The following EBF1 variants were observed in gnomAD, a reference collection of about 807,000 sequenced individuals.
EBF1 encodes transcription factor COE1.
EBF1 carries 10 observed loss-of-function variants against 68.4 expected under a neutral mutation model. The ratio of observed to expected loss-of-function variants is 0.15; its 90% CI spans 0.09 to 0.25. The LOEUF (loss-of-function observed/expected upper bound fraction) is 0.25. EBF1 is among the 10% of genes least tolerant of loss of function. The probability of loss-of-function intolerance (pLI) is 1.00; values close to 1 mark genes in which losing one functional copy is unlikely to be tolerated. For missense variants in EBF1, 509 were observed against 794.4 expected, an observed-to-expected ratio of 0.64 and a Z score of 4.32; for synonymous variants, 298 against 299.8, an observed-to-expected ratio of 0.99 and a Z score of 0.06.
intron 6 of EBF1, among the ~76,000 whole-genome samples, chr5:158,852,529 C>T (rs2128001628): frequency 6.6e-6 from 1 of 152,306 alleles, no homozygotes. Context: ...ATTTAAACCT[C>T]AGGACCAGTC....
Position 158,699,079 on chromosome 5 carries a change from CTTCATTAATACAA to C in EBF1, c.*19_*31del. The C allele has an allele frequency of 6.3e-7, 1 of 1,589,930 alleles. No homozygotes were observed. Among genetic ancestry groups the C allele is most frequent in the Non-Finnish European group, 8.6e-7 (1 of 1,168,972 alleles). Reference sequence around the variant, plus strand: ...TACTCTCTGTAGCAGAATCCAACCTCTTCATTAATACAATTCTTCAAGGCAATTCTTTCACATA... The same window carrying C: ...TACTCTCTGTAGCAGAATCCAACCTCTTCTTCAAGGCAATTCTTTCACATA... On this transcript the variant is annotated 3_prime_UTR_variant, in exon 16 of 16. Coordinates refer to ENST00000313708, the MANE Select transcript of EBF1 (RefSeq NM_024007.5).
chr5:158,779,901 C>G (rs112320158), intron 9 of EBF1, among the ~76,000 whole-genome samples: 10,472 of 152,182 alleles, frequency 0.069, 436 homozygotes, highest in Non-Finnish European at 0.077. Flanking sequence ...TTTACAATTT[C>G]ATTTTCAATT....
chr5:159,075,366 C>A (rs371260875), intron 5 of EBF1, among the ~76,000 whole-genome samples: 1 of 152,160 alleles, frequency 6.6e-6, no homozygotes, highest in Non-Finnish European at 1.5e-5. Flanking sequence ...CAAAAGCAGC[C>A]CATCGACAGA....
At chr5:158,876,614 A>C (rs1406385615) in intron 6 of EBF1, among the ~76,000 whole-genome samples, 1 of 152,210 alleles carries the variant, frequency 6.6e-6, no homozygotes. Context: ...AAAAAGTTTC[A>C]CGTTGCCCTA....
chr5:158,927,836 A>G (rs181429292), intron 6 of EBF1, among the ~76,000 whole-genome samples: 10 of 152,336 alleles, frequency 6.6e-5, no homozygotes, highest in Admixed American at 4.6e-4. Flanking sequence ...TTTGTAACAA[A>G]TCATATGAAG....
chr5:158,784,133 C>T (rs1212061081), intron 9 of EBF1, among the ~76,000 whole-genome samples: 1 of 152,118 alleles, frequency 6.6e-6, no homozygotes, highest in East Asian at 1.9e-4. Flanking sequence ...ATGTCAAGCG[C>T]TATGTTAAAC....
At chr5:159,097,217 A>C in intron 1 of EBF1, 87 bp from the exon 2 acceptor site, 1 of 1,422,324 alleles carries the variant, frequency 7.0e-7, no homozygotes, top group Non-Finnish European at 9.4e-7. Context: ...GAACCCTCAA[A>C]CACCCACCTC....
intron 10 of EBF1, among the ~76,000 whole-genome samples, chr5:158,754,042 G>C (rs998410116): frequency 6.6e-5 from 10 of 152,014 alleles, no homozygotes; most frequent in African/African-American, 2.2e-4. Flanking sequence ...GTTAGAACAT[G>C]AGGCTGGCTT....
intron 6 of EBF1, among the ~76,000 whole-genome samples, chr5:158,890,360 C>T (rs1003895549): frequency 6.6e-6 from 1 of 152,168 alleles, no homozygotes; most frequent in Admixed American, 6.5e-5. Context: ...CATTTAACAG[C>T]CCTTATCCTC....
intron 6 of EBF1, among the ~76,000 whole-genome samples, chr5:158,866,747 C>T (rs1795932578): frequency 6.7e-6 from 1 of 150,362 alleles, no homozygotes; most frequent in East Asian, 1.9e-4. Flanking sequence ...AACAGCTAGG[C>T]AGTGACGAAT....
intron 6 of EBF1, among the ~76,000 whole-genome samples, chr5:158,936,290 AG>A (rs1425891766): frequency 6.6e-6 from 1 of 152,240 alleles, no homozygotes; most frequent in African/African-American, 2.4e-5. Flanking sequence ...TATATATAGC[AG>A]AGAGCACAGG....
rs2127488294 is a variant in EBF1, at chr5:158,712,223, C to T, written c.1480G>A (p.Ala494Thr). 1 of 1,613,750 alleles carries T rather than the reference C, an allele frequency of 6.2e-7. No homozygotes were observed. The highest frequency in any genetic ancestry group is 8.5e-7 in the Non-Finnish European group (1 of 1,179,882). Residue 494 changes from alanine to threonine, a missense_variant, in exon 14 of 16, where the codon GCC becomes ACC. Around this residue, in one of 3 missense-constraint regions of EBF1, gnomAD observed 205 missense variants for 247.4 expected, o/e 0.83. Coordinates refer to ENST00000313708, the MANE Select transcript of EBF1 (RefSeq NM_024007.5). ...VTTSMNGYGS[A>T]AMSNLGGSPT... Reference sequence around the variant, plus strand: ...GAGCCGCCCAAATTGGACATTGCGGCAGAGCCGTATCCGTTCATGCTCGTG... The same window carrying T: ...GAGCCGCCCAAATTGGACATTGCGGTAGAGCCGTATCCGTTCATGCTCGTG...
chr5:159,023,868 T>G (rs531453571), intron 6 of EBF1, among the ~76,000 whole-genome samples: 1 of 151,946 alleles, frequency 6.6e-6, no homozygotes, highest in African/African-American at 2.4e-5. Flanking sequence ...GAATGTGGAG[T>G]TGGAGGAAAG....
At chr5:158,789,764 C>T (rs994366247) in intron 9 of EBF1, among the ~76,000 whole-genome samples, 4 of 152,074 alleles carry the variant, frequency 2.6e-5, no homozygotes, top group African/African-American at 4.8e-5. Flanking sequence ...GAGTCAAGGC[C>T]GGGCAAAAAG....
At chr5:158,945,631 A>G (rs150244206) in intron 6 of EBF1, among the ~76,000 whole-genome samples, 141 of 152,284 alleles carry the variant, frequency 9.3e-4, no homozygotes, top group Non-Finnish European at 1.6e-3. Context: ...AACCTTGGTG[A>G]ATCTGACAAT....
chr5:159,051,418 C>G (rs1274081865), intron 6 of EBF1, among the ~76,000 whole-genome samples: 1 of 134,932 alleles, frequency 7.4e-6, no homozygotes, highest in Non-Finnish European at 1.6e-5. Flanking sequence ...CCCCCTCCCC[C>G]CCGCTCCCGC....
chr5:159,082,711 C>T (rs1779946105), intron 5 of EBF1, among the ~76,000 whole-genome samples: 2 of 152,196 alleles, frequency 1.3e-5, no homozygotes, highest in Non-Finnish European at 2.9e-5. Context: ...GGTAAACAAA[C>T]AGTACCCCTT....
chr5:158,834,249 G>A (rs1174712001), intron 7 of EBF1, among the ~76,000 whole-genome samples: 4 of 152,152 alleles, frequency 2.6e-5, no homozygotes, highest in Non-Finnish European at 4.4e-5. Context: ...AAATCAGACC[G>A]AAGCATGGTT....
Position 158,699,052 on chromosome 5 carries a change from A to C in EBF1, c.*59T>G. The C allele has an allele frequency of 1.3e-6, 2 of 1,508,820 alleles. No homozygotes were observed. The highest frequency in any genetic ancestry group is 1.8e-6 in the Non-Finnish European group (2 of 1,116,066). The allele number at this position is 1,508,820 out of a possible 1,614,324, so 93.5% of individuals were successfully genotyped here. A position where few individuals can be genotyped will look rare whatever the true frequency, so the allele number is the denominator to read the frequency against. ...AGTTCCACTCTGGGACTTGTATCAG[A>C]TTACTCTCTGTAGCAGAATCCAACC... On this transcript the variant is annotated 3_prime_UTR_variant, in exon 16 of 16. Transcript: ENST00000313708.
Sources: gnomAD v4.1 joint callset for allele counts (sites outside exome capture counted in the v4.1 genomes callset) on GRCh38, gnomAD v4.1.1 for gene constraint, gnomAD v4.1.1 regional missense constraint, MANE v1.5 for transcripts, NCBI Gene and HGNC (gene_info 2026-07-23, HGNC 2026-07-21) for gene names.